MICAL3: variants seen among roughly 807,000 people sequenced by gnomAD.
The protein encoded by MICAL3 is microtubule associated monooxygenase, calponin and LIM domain containing 3, also known as [F-actin]-monooxygenase MICAL3.
In MICAL3, 62 loss-of-function variants were observed where a neutral mutation model predicts 207.4. The observed-to-expected ratio is 0.30, with a 90% CI of 0.24 to 0.37. The LOEUF (loss-of-function observed/expected upper bound fraction) is 0.37, where lower values mean the gene tolerates loss of function less well. Among genes scored for constraint, MICAL3 ranks in the 10% least tolerant of loss-of-function variants. The pLI is 1.00. For synonymous variants in MICAL3, 1,077 were observed against 1,069.3 expected (o/e 1.01, Z -0.14); for missense variants, 2,368 against 2,635.6 (o/e 0.90, Z 2.22).
chr22:17,801,012 C>T (rs1485600095), intron 29 of MICAL3, among the ~76,000 whole-genome samples: 1 of 152,060 alleles, frequency 6.6e-6, no homozygotes, highest in Non-Finnish European at 1.5e-5. Flanking sequence ...GGGCAGAACC[C>T]GAGAAGTCTT....
In MICAL3 at chr22:17,900,636, T is replaced by C. The variant is rs115567097; in HGVS notation, c.847+206A>G. Among the ~76,000 whole-genome samples the C allele has an allele frequency of 5.2e-3, 788 of 152,050 alleles. 5 individuals carry two copies. Among genetic ancestry groups the C allele is most frequent in the African/African-American group, 0.018 (749 of 41,474 alleles). On this transcript the variant is annotated intron_variant, in intron 6 of 31. Coordinates refer to ENST00000441493, the MANE Select transcript of MICAL3 (RefSeq NM_015241.3). The surrounding 1 kb of genome is among the most constrained non-coding windows in gnomAD (Gnocchi z 4.0). ...ACAAAACCCAGAGCCGCCCAGTCAC[T>C]GTGAGGAGGTTAAGAATACAAGAGG...
intron 29 of MICAL3, among the ~76,000 whole-genome samples, chr22:17,805,667 C>T (rs2061982233): frequency 6.6e-6 from 1 of 152,226 alleles, no homozygotes; most frequent in Non-Finnish European, 1.5e-5. Flanking sequence ...CTCCCAAATA[C>T]CTGATGTACA....
intron 19 of MICAL3, among the ~76,000 whole-genome samples, chr22:17,843,099 T>C (rs560462399): frequency 1.9e-4 from 22 of 117,626 alleles, no homozygotes; most frequent in East Asian, 5.1e-4. Flanking sequence ...CCAGCCTGGG[T>C]GACAAAGCGA....
At chr22:17,948,606 T>A (rs1448855955) in intron 1 of MICAL3, among the ~76,000 whole-genome samples, 2 of 152,160 alleles carry the variant, frequency 1.3e-5, no homozygotes, top group Admixed American at 6.5e-5. Flanking sequence ...CAGAAAGTTG[T>A]CTATTTTGTC....
chr22:17,807,999 T>C (rs1036152758), intron 29 of MICAL3, among the ~76,000 whole-genome samples: 12 of 152,234 alleles, frequency 7.9e-5, no homozygotes, highest in Admixed American at 2.0e-4. Flanking sequence ...TTGTGGATGT[T>C]TGAGAAGGCA....
intron 19 of MICAL3, among the ~76,000 whole-genome samples, chr22:17,850,503 C>T (rs1925211236): frequency 6.8e-6 from 1 of 147,292 alleles, no homozygotes; most frequent in Admixed American, 6.9e-5. Flanking sequence ...CCTCTGCCTC[C>T]TGGATTCAAG....
At chr22:17,897,662 G>C (rs1018748225) in intron 7 of MICAL3, among the ~76,000 whole-genome samples, 3 of 152,014 alleles carry the variant, frequency 2.0e-5, no homozygotes, top group African/African-American at 7.3e-5. Flanking sequence ...TGTCAAATGG[G>C]ACCACGTGAA....
At chr22:17,939,663 A>G (rs956874389) in intron 1 of MICAL3, among the ~76,000 whole-genome samples, 1 of 152,234 alleles carries the variant, frequency 6.6e-6, no homozygotes, top group Non-Finnish European at 1.5e-5. Context: ...TGATTTCCAA[A>G]GGAGCTAGAC....
At chr22:17,862,731 G>A in intron 19 of MICAL3, 1 of 985,500 alleles carries the variant, frequency 1.0e-6, no homozygotes, top group Non-Finnish European at 1.2e-6. Context: ...GCTAGCAGCA[G>A]AGTGAGCTCA....
chr22:18,023,825 C>G (rs901466286), intron 1 of MICAL3, among the ~76,000 whole-genome samples: 2 of 152,250 alleles, frequency 1.3e-5, no homozygotes, highest in Non-Finnish European at 2.9e-5. Flanking sequence ...GCCGCTGCTC[C>G]TAATGAGCTC....
chr22:17,907,613 A>C (rs115008543), intron 1 of MICAL3, among the ~76,000 whole-genome samples: 1 of 152,290 alleles, frequency 6.6e-6, no homozygotes, highest in African/African-American at 2.4e-5. Flanking sequence ...CAAAAGCAGG[A>C]AGATCACGAA....
At chr22:18,000,131 G>A (rs950377053) in intron 1 of MICAL3, among the ~76,000 whole-genome samples, 2 of 152,066 alleles carry the variant, frequency 1.3e-5, no homozygotes, top group African/African-American at 4.8e-5. Context: ...CCTCATCCCT[G>A]GAGTACAACG....
intron 1 of MICAL3, among the ~76,000 whole-genome samples, chr22:17,959,172 C>A (rs1167041959): frequency 6.7e-6 from 1 of 150,054 alleles, no homozygotes; most frequent in South Asian, 2.1e-4. Flanking sequence ...CCCACCACCA[C>A]GCCCGGCTAA....
chr22:18,014,434 C>T (rs530342864), intron 1 of MICAL3, among the ~76,000 whole-genome samples: 1 of 152,134 alleles, frequency 6.6e-6, no homozygotes, highest in African/African-American at 2.4e-5. Flanking sequence ...AACAGCTTTT[C>T]CAAGTTGTTG....
At chr22:17,812,529 A>T in intron 27 of MICAL3, 1 of 985,864 alleles carries the variant, frequency 1.0e-6, no homozygotes, top group Non-Finnish European at 1.2e-6. Context: ...TGATCTCCTG[A>T]ATGCCAAGGC....
intron 1 of MICAL3, among the ~76,000 whole-genome samples, chr22:17,965,764 G>A (rs1304125038): frequency 2.0e-5 from 3 of 152,198 alleles, no homozygotes; most frequent in Non-Finnish European, 2.9e-5. Context: ...CACCCTGTAA[G>A]TAGTTATAAT....
intron 19 of MICAL3, among the ~76,000 whole-genome samples, chr22:17,843,481 G>A (rs538293956): frequency 6.6e-5 from 10 of 152,252 alleles, no homozygotes; most frequent in Admixed American, 4.6e-4. Context: ...CCAGTAGTTG[G>A]CTGAAGGGTC....
At chr22:18,004,092 C>T (rs1005432105) in intron 1 of MICAL3, among the ~76,000 whole-genome samples, 2 of 151,214 alleles carry the variant, frequency 1.3e-5, no homozygotes, top group Non-Finnish European at 3.0e-5. Flanking sequence ...TCTAATACCT[C>T]CAGATAACTC....
At position 17,936,057 on chromosome 22, in the gene MICAL3, C is replaced by G. The variant is rs529616234; in HGVS notation, c.-74-29171G>C. ...TCTAGAGCTAGAATTACCATTTGAC[C>G]CAGCAATCCCATTACTGGGTATATA... is the stretch of plus-strand genomic sequence containing the variant. On this transcript the variant is annotated intron_variant, in intron 1 of 31. Transcript: ENST00000441493. 5.3e-5 allele frequency among the ~76,000 whole-genome samples: 8 copies of G among 152,218 alleles called. No homozygotes were observed. In the East Asian group the frequency reaches 1.5e-3, roughly 29 times the overall value.
Sources: allele counts gnomAD v4.1 joint callset (sites outside exome capture counted in the v4.1 genomes callset), GRCh38; gene constraint gnomAD v4.1.1; non-coding constraint Gnocchi (gnomAD v3.1); transcripts MANE v1.5; gene names NCBI Gene and HGNC (gene_info 2026-07-23, HGNC 2026-07-21).